ARHGAP10: variants seen among roughly 807,000 people sequenced by gnomAD.
ARHGAP10 encodes the protein Rho GTPase activating protein 10.
A neutral mutation model predicts 108.6 loss-of-function variants in ARHGAP10; 87 were observed. That is an observed-to-expected ratio of 0.80 (90% confidence interval 0.67 to 0.96). ARHGAP10 has a LOEUF of 0.96. ARHGAP10 is among the 40% of genes least tolerant of loss of function. ARHGAP10 has a pLI of 0.00. For missense variants in ARHGAP10, 939 were observed against 954.5 expected, an observed-to-expected ratio of 0.98 and a Z score of 0.21; for synonymous variants, 347 against 341.1, an observed-to-expected ratio of 1.02 and a Z score of -0.19.
chr4:148,064,520 G>A lies in ARHGAP10; in HGVS notation c.2272+13G>A. ...ATTTTTGAGGATGGTAAGTGTTAGT[G>A]GGAGCTTCGTCTGTTAATCCTGTCC... On this transcript the variant is annotated intron_variant, in intron 22 of 22. Coordinates refer to ENST00000336498, the MANE Select transcript of ARHGAP10 (RefSeq NM_024605.4). 1.9e-6 allele frequency: 3 copies of A among 1,609,566 alleles called. No homozygotes were observed. The highest frequency in any genetic ancestry group is 2.6e-6 in the Non-Finnish European group (3 of 1,175,904).
intron 1 of ARHGAP10, among the ~76,000 whole-genome samples, chr4:147,733,500 T>C (rs6836509): frequency 0.71 from 108,604 of 152,070 alleles, 44,223 homozygotes; most frequent in Non-Finnish European, 0.89. Context: ...TCTTAGGGCC[T>C]TCATCACTCA....
At chr4:147,906,146 A>G (rs1206223224) in intron 10 of ARHGAP10, among the ~76,000 whole-genome samples, 1 of 152,152 alleles carries the variant, frequency 6.6e-6, no homozygotes, top group African/African-American at 2.4e-5. Flanking sequence ...GTATATTCAT[A>G]TGTATATTCC....
intron 3 of ARHGAP10, among the ~76,000 whole-genome samples, chr4:147,826,364 C>A (rs2126790783): frequency 6.6e-6 from 1 of 152,208 alleles, no homozygotes; most frequent in East Asian, 1.9e-4. Context: ...CTGTGTTAGA[C>A]AAGGTTGGGT....
chr4:147,896,971 A>G (rs1053973494), intron 10 of ARHGAP10, among the ~76,000 whole-genome samples: 1 of 152,050 alleles, frequency 6.6e-6, no homozygotes, highest in Non-Finnish European at 1.5e-5. Flanking sequence ...TAGTCTATCA[A>G]TATGTATTGA....
intron 3 of ARHGAP10, among the ~76,000 whole-genome samples, chr4:147,826,122 A>G (rs752593338): frequency 9.2e-5 from 14 of 152,166 alleles, no homozygotes; most frequent in Non-Finnish European, 1.6e-4. Flanking sequence ...TCTGGAGGAA[A>G]AGTTCTGAGC....
chr4:147,860,814 T>C (rs1042522836), intron 5 of ARHGAP10, among the ~76,000 whole-genome samples: 2 of 152,260 alleles, frequency 1.3e-5, no homozygotes, highest in East Asian at 1.9e-4. Context: ...GATAATCAAA[T>C]TGAAATTGTG....
intron 1 of ARHGAP10, among the ~76,000 whole-genome samples, chr4:147,794,449 T>C (rs913374625): frequency 3.9e-5 from 6 of 152,198 alleles, no homozygotes; most frequent in African/African-American, 1.4e-4. Context: ...ATGTGCACTT[T>C]TATGAGTATA....
chr4:147,953,194 A>G (rs188752801), intron 15 of ARHGAP10, among the ~76,000 whole-genome samples: 5 of 151,922 alleles, frequency 3.3e-5, no homozygotes, highest in Non-Finnish European at 7.4e-5. Flanking sequence ...AGTTGCATCT[A>G]TGTTCATGAG....
chr4:148,071,058 T>C (rs1437738535), intron 22 of ARHGAP10, among the ~76,000 whole-genome samples: 1 of 152,132 alleles, frequency 6.6e-6, no homozygotes, highest in Non-Finnish European at 1.5e-5. Context: ...GAGTTTCCCA[T>C]ACAGTGTGGG....
intron 13 of ARHGAP10, among the ~76,000 whole-genome samples, chr4:147,919,520 C>T (rs1015288219): frequency 6.6e-6 from 1 of 152,136 alleles, no homozygotes; most frequent in African/African-American, 2.4e-5. Flanking sequence ...AGCAGTTGTT[C>T]CCAAACTTTG....
At chr4:147,969,163 T>C (rs1403806061) in intron 18 of ARHGAP10, among the ~76,000 whole-genome samples, 3 of 152,148 alleles carry the variant, frequency 2.0e-5, no homozygotes, top group Non-Finnish European at 4.4e-5. Context: ...AGCAAGAGTA[T>C]TTCTTGGGTA....
chr4:148,022,349 C>G (rs1344025384), intron 18 of ARHGAP10, among the ~76,000 whole-genome samples: 1 of 152,172 alleles, frequency 6.6e-6, no homozygotes, highest in African/African-American at 2.4e-5. Context: ...TGGCTTTCTT[C>G]CTGTTTTCTG....
intron 18 of ARHGAP10, chr4:148,022,981 C>T (rs1208996736): frequency 3.7e-6 from 1 of 267,012 alleles, no homozygotes; most frequent in Non-Finnish European, 7.1e-6. Flanking sequence ...CTGTCTATAT[C>T]TGCTAAAGAT....
chr4:148,064,789 A>G (rs1267694234), intron 22 of ARHGAP10, among the ~76,000 whole-genome samples: 1 of 152,212 alleles, frequency 6.6e-6, no homozygotes, highest in African/African-American at 2.4e-5. Context: ...GGAAGAAGCT[A>G]GTGTCACTTG....
chr4:147,982,859 T>G (rs1739870140), intron 18 of ARHGAP10, among the ~76,000 whole-genome samples: 1 of 152,050 alleles, frequency 6.6e-6, no homozygotes, highest in African/African-American at 2.4e-5. Flanking sequence ...AATCTCGTAT[T>G]TCTCAAATAC....
At chr4:148,004,976 A>G (rs1740887111) in intron 18 of ARHGAP10, among the ~76,000 whole-genome samples, 1 of 152,224 alleles carries the variant, frequency 6.6e-6, no homozygotes, top group Non-Finnish European at 1.5e-5. Context: ...AAACTAATAC[A>G]CTGAAAAATG....
At chr4:148,002,457 T>C (rs1307438732) in intron 18 of ARHGAP10, among the ~76,000 whole-genome samples, 4 of 152,250 alleles carry the variant, frequency 2.6e-5, no homozygotes, top group Non-Finnish European at 4.4e-5. Context: ...TTCCTCTTTT[T>C]CTATTGATTG....
chr4:148,025,195 G>A (rs1741719012), intron 19 of ARHGAP10, among the ~76,000 whole-genome samples: 1 of 152,154 alleles, frequency 6.6e-6, no homozygotes, highest in Non-Finnish European at 1.5e-5. Flanking sequence ...CTAACTTGTA[G>A]GTGATAAAAT....
chr4:148,000,162 G>A (rs1355867128), intron 18 of ARHGAP10, among the ~76,000 whole-genome samples: 2 of 152,022 alleles, frequency 1.3e-5, no homozygotes, highest in Non-Finnish European at 2.9e-5. Context: ...GCCTATGAGT[G>A]AGAACATGTG....
Sources: allele counts gnomAD v4.1 joint callset (sites outside exome capture counted in the v4.1 genomes callset), GRCh38; gene constraint gnomAD v4.1.1; transcripts MANE v1.5; gene names NCBI Gene and HGNC (gene_info 2026-07-23, HGNC 2026-07-21).